ZNF2: variants seen among roughly 807,000 people sequenced by gnomAD.
ZNF2 encodes the protein zinc finger protein 2.2.
In ZNF2, 12 loss-of-function variants were observed where a neutral mutation model predicts 21.9. The ratio of observed to expected loss-of-function variants is 0.55; its 90% CI spans 0.35 to 0.89. ZNF2 has a LOEUF of 0.89. Ranked by LOEUF, ZNF2 falls within the 40% of genes least tolerant of loss-of-function variation. ZNF2 has a pLI of 0.01. For synonymous variants in ZNF2, 186 were observed against 196.3 expected (o/e 0.95, Z 0.44); for missense variants, 462 against 544.2 (o/e 0.85, Z 1.50).
chr2:95,178,493 C>T (rs532930470), intron 3 of ZNF2, among the ~76,000 whole-genome samples: 8 of 152,228 alleles, frequency 5.3e-5, no homozygotes, highest in African/African-American at 1.9e-4. Context: ...AAAATAGAAC[C>T]CCTGAGGTCA....
chr2:95,176,304 G>A (rs1358576234), intron 2 of ZNF2, 45 bp downstream of exon 2: 1 of 1,613,410 alleles, frequency 6.2e-7, no homozygotes, highest in Non-Finnish European at 8.5e-7. Context: ...TTCATCTCCA[G>A]AATGTAACCA....
At position 95,165,935 on chromosome 2, in the gene ZNF2, G is replaced by A. The variant is rs190464640; in HGVS notation, c.-40+75G>A. The A allele has an allele frequency of 1.4e-3, 216 of 152,376 alleles. 1 individual carries two copies. The highest frequency in any genetic ancestry group is 4.6e-3 in the African/African-American group (192 of 41,538). 9.4% of individuals were successfully genotyped at this position (152,376 alleles called of 1,614,324 possible). On this transcript the variant is annotated intron_variant, in intron 1 of 4. Coordinates refer to ENST00000614034, the MANE Select transcript of ZNF2 (RefSeq NM_021088.4). ...CGAGAGAGGGGACATGAGAACTTTGGGGAGGTGCTGTGGGAGCAAAACGGG... is the reference window on the plus strand; with the variant it reads ...CGAGAGAGGGGACATGAGAACTTTGAGGAGGTGCTGTGGGAGCAAAACGGG...
intron 1 of ZNF2, among the ~76,000 whole-genome samples, chr2:95,174,497 T>A (rs1674377537): frequency 6.6e-6 from 1 of 152,240 alleles, no homozygotes; most frequent in Admixed American, 6.5e-5. Context: ...AGCTAATTTT[T>A]GTTGTTAATC....
chr2:95,166,835 A>G (rs1474793258), intron 1 of ZNF2, among the ~76,000 whole-genome samples: 1 of 152,240 alleles, frequency 6.6e-6, no homozygotes, highest in African/African-American at 2.4e-5. Context: ...AATTGCCTAA[A>G]GGAAGATAGT....
intron 1 of ZNF2, among the ~76,000 whole-genome samples, chr2:95,167,505 CAAAAAAAAAA>C (rs756206050): frequency 2.2e-5 from 1 of 44,950 alleles, no homozygotes; most frequent in South Asian, 7.9e-4. Flanking sequence ...GACTCAGTCT[CAAAAAAAAAA>C]AAAAAAAAAA....
chr2:95,170,957 G>A (rs887549797), intron 1 of ZNF2, among the ~76,000 whole-genome samples: 1 of 152,064 alleles, frequency 6.6e-6, no homozygotes, highest in African/African-American at 2.4e-5. Context: ...TCTATCCTGA[G>A]GGTACATCTA....
At chr2:95,169,673 C>A (rs543886771) in intron 1 of ZNF2, among the ~76,000 whole-genome samples, 1 of 152,012 alleles carries the variant, frequency 6.6e-6, no homozygotes, top group Non-Finnish European at 1.5e-5. Context: ...TCGCTTGAAC[C>A]GGGGAGGCAG....
rs1488901899 is a variant in ZNF2 at position 95,181,912 on chromosome 2, A to G, written c.1084A>G (p.Ile362Val). The G allele has an allele frequency of 6.2e-7, 1 of 1,614,150 alleles. No homozygotes were observed. Among genetic ancestry groups the G allele is most frequent in the Non-Finnish European group, 8.5e-7 (1 of 1,180,058 alleles). Residue 362 changes from isoleucine to valine, a missense_variant, in exon 5 of 5, where the codon ATC becomes GTC. Physicochemically the swap from Ile to Val is conservative, Grantham distance 29 (BLOSUM62 3). Transcript: ENST00000614034. ...CTCATCCCTTACACAGCATCAGAAG[A>G]TCCACACTGGAGACAAGCCATATGA... ...DRSSLTQHQK[I>V]HTGDKPYECS... is the part of the protein sequence containing the mutation.
chr2:95,177,693 T>C, intron 3 of ZNF2, 84 bp downstream of exon 3: 3 of 1,494,826 alleles, frequency 2.0e-6, no homozygotes, highest in Non-Finnish European at 2.7e-6. Context: ...ACCGTTCTCC[T>C]CCCCGCTGAG....
At chr2:95,167,505 CAAAAAAA>C (rs756206050) in intron 1 of ZNF2, among the ~76,000 whole-genome samples, 3 of 44,950 alleles carry the variant, frequency 6.7e-5, no homozygotes, top group Admixed American at 2.1e-4. Context: ...GACTCAGTCT[CAAAAAAA>C]AAAAAAAAAA....
intron 1 of ZNF2, 114 bp downstream of exon 1, chr2:95,165,974 G>C (rs1674014594): frequency 6.6e-6 from 1 of 152,232 alleles, no homozygotes; most frequent in African/African-American, 2.4e-5. Flanking sequence ...ACACGGGCGA[G>C]GCCAGCCTGC....
chr2:95,175,814 T>G (rs193302166), intron 1 of ZNF2, among the ~76,000 whole-genome samples: 1 of 152,236 alleles, frequency 6.6e-6, no homozygotes, highest in Non-Finnish European at 1.5e-5. Flanking sequence ...GTCTTTGATA[T>G]GTCTTGTCCA....
chr2:95,167,771 C>A (rs530274976), intron 1 of ZNF2, among the ~76,000 whole-genome samples: 1 of 149,650 alleles, frequency 6.7e-6, no homozygotes, highest in South Asian at 2.1e-4. Context: ...CACTTGAGCC[C>A]GAGAGGTGGA....
At chr2:95,169,570 G>A (rs1397332211) in intron 1 of ZNF2, among the ~76,000 whole-genome samples, 1 of 152,090 alleles carries the variant, frequency 6.6e-6, no homozygotes, top group Non-Finnish European at 1.5e-5. Flanking sequence ...GCCCGGCCAA[G>A]ATGGTGAAAC....
At position 95,182,225 on chromosome 2, in the gene ZNF2, T is replaced by G; in HGVS notation, c.*119T>G. The G allele has an allele frequency of 7.7e-7, 1 of 1,304,648 alleles. No individual in the cohort carries two copies. Among genetic ancestry groups the G allele is most frequent in the Non-Finnish European group, 1.0e-6 (1 of 958,440 alleles). 80.8% of individuals were successfully genotyped at this position (1,304,648 alleles called of 1,614,324 possible). On this transcript the variant is annotated 3_prime_UTR_variant, in exon 5 of 5. Coordinates refer to ENST00000614034, the MANE Select transcript of ZNF2 (RefSeq NM_021088.4). The stretch of plus-strand genomic sequence containing the variant: ...TCTGGCTGCCGTTGTCCTGTCCTGC[T>G]TCTGCGCCAGAGTGTTTAATAAGCA...
intron 1 of ZNF2, among the ~76,000 whole-genome samples, chr2:95,174,080 G>C (rs1469216199): frequency 6.6e-6 from 1 of 152,210 alleles, no homozygotes; most frequent in Non-Finnish European, 1.5e-5. Flanking sequence ...GTCTCCAGAT[G>C]TTTAAGGTAT....
chr2:95,179,961 G>A (rs1674579403), intron 3 of ZNF2, among the ~76,000 whole-genome samples, 198 bp from the exon 4 acceptor site: 1 of 152,204 alleles, frequency 6.6e-6, no homozygotes, highest in Non-Finnish European at 1.5e-5. Context: ...GGAGGCTGAG[G>A]CAGGAGAATC....
At chr2:95,172,369 A>G (rs550255097) in intron 1 of ZNF2, among the ~76,000 whole-genome samples, 2 of 152,304 alleles carry the variant, frequency 1.3e-5, no homozygotes, top group South Asian at 4.2e-4. Context: ...AGAACTTTCT[A>G]GGAATAGCAG....
chr2:95,181,538 CCTT>C lies in ZNF2; in HGVS notation c.714_716del (p.Phe239del). 1 of 1,614,134 alleles carries C rather than the reference CCTT, an allele frequency of 6.2e-7. No individual in the cohort carries two copies. On this transcript the variant is annotated inframe_deletion, in exon 5 of 5. Transcript: ENST00000614034. ...TACGAGTGCAGTGTGTGCTCAAAAGCCTTCTTTGACCGTTCGTCCCTAACTGTC... is the reference window on the plus strand; with the variant it reads ...TACGAGTGCAGTGTGTGCTCAAAAGCCTTTGACCGTTCGTCCCTAACTGTC...
Sources: gnomAD v4.1 joint callset for allele counts (sites outside exome capture counted in the v4.1 genomes callset) on GRCh38, gnomAD v4.1.1 for gene constraint, MANE v1.5 for transcripts, NCBI Gene and HGNC (gene_info 2026-07-23, HGNC 2026-07-21) for gene names.